Variants in MMRN1 observed in about 807,000 individuals in gnomAD.
MMRN1 encodes multimerin-1.
Under a neutral mutation model 100.7 loss-of-function variants are expected in MMRN1, and 94 were observed. That is an observed-to-expected ratio of 0.93 (90% confidence interval 0.79 to 1.11). MMRN1 has a LOEUF of 1.11. Among genes scored for constraint, MMRN1 ranks in the 50% least tolerant of loss-of-function variants. The probability of loss-of-function intolerance (pLI) is 0.00; values close to 1 mark genes in which losing one functional copy is unlikely to be tolerated. For synonymous variants in MMRN1, 575 were observed against 505.0 expected, an observed-to-expected ratio of 1.14 and a Z score of -1.86; for missense variants, 1,606 against 1,439.1, an observed-to-expected ratio of 1.12 and a Z score of -1.88.
intron 1 of MMRN1, among the ~76,000 whole-genome samples, chr4:89,903,554 T>TTA (rs1444356077): frequency 2.6e-5 from 4 of 151,974 alleles, no homozygotes; most frequent in East Asian, 1.9e-4. Context: ...TGAGGCCATA[T>TTA]TATATATATC....
chr4:89,938,026 C>A (rs1008732304), intron 6 of MMRN1, among the ~76,000 whole-genome samples: 1 of 151,864 alleles, frequency 6.6e-6, no homozygotes, highest in African/African-American at 2.4e-5. Context: ...TCATATGAGT[C>A]TGCTGTTAAA....
Position 89,953,028 on chromosome 4 carries a change from C to T in MMRN1, c.3297C>T (p.Pro1099=). 6.2e-7 allele frequency: 1 copy of T among 1,611,208 alleles called. No homozygotes were observed. Among genetic ancestry groups the T allele is most frequent in the Non-Finnish European group, 8.5e-7 (1 of 1,178,668 alleles). ...CCAAAGGATCTTACAGATATGCACC[C>T]ATGGTGGCATTTTTTGCATCTCATA... ...DFSKGSYRYA[P]MVAFFASHTY... Residue 1099 remains proline, a synonymous_variant, in exon 8 of 8, where the codon CCC becomes CCT. Coordinates refer to ENST00000264790, the MANE Select transcript of MMRN1 (RefSeq NM_007351.3).
Position 89,936,263 on chromosome 4 carries a change from G to T in MMRN1, c.2583G>T (p.Arg861=), listed in dbSNP as rs751629402. ...TTKISKNFET[R]LQDIESKVTQ... is the part of the protein sequence containing the mutation. ...AGATTTCCAAAAATTTTGAGACTCG[G>T]TTGCAAGACATTGAGTCTAAAGTTA... is the stretch of plus-strand genomic sequence containing the variant. The change falls in exon 6 of 8, where the codon CGG becomes CGT. Residue 861 remains arginine (R), a synonymous_variant. Coordinates refer to ENST00000264790, the MANE Select transcript of MMRN1 (RefSeq NM_007351.3). 2.5e-6 allele frequency: 4 copies of T among 1,605,256 alleles called. No individual in the cohort carries two copies. The highest frequency in any genetic ancestry group is 2.3e-5 in the South Asian group (2 of 88,564).
At chr4:89,899,374 C>G (rs1721310178) in intron 1 of MMRN1, among the ~76,000 whole-genome samples, 2 of 152,030 alleles carry the variant, frequency 1.3e-5, no homozygotes, top group South Asian at 4.2e-4. Context: ...TTGCTGAACA[C>G]CTTATCTGTC....
intron 1 of MMRN1, chr4:89,879,709 T>C (rs982273265): frequency 1.3e-5 from 2 of 152,156 alleles, no homozygotes; most frequent in Non-Finnish European, 2.9e-5. Flanking sequence ...CAAGTATTAG[T>C]AGTTTAGCTC....
In MMRN1 at chr4:89,895,525, G is replaced by T; in HGVS notation, c.554G>T (p.Ser185Ile). The T allele has an allele frequency of 6.2e-7, 1 of 1,613,800 alleles. No individual in the cohort carries two copies. The highest frequency in any genetic ancestry group is 1.1e-5 in the South Asian group (1 of 91,074). ...CGAGCCCCACGGGAAACATACCTCA[G>T]CCGGGGTGACAGCAGTTCCAGCCAA... is the stretch of plus-strand genomic sequence containing the variant. ...GNRAPRETYL[S>I]RGDSSSSQRT... Residue 185 changes from serine to isoleucine, a missense_variant, in exon 1 of 8, where the codon AGC becomes ATC. Transcript: ENST00000264790.
At chr4:89,939,585 A>G (rs942587922) in intron 6 of MMRN1, among the ~76,000 whole-genome samples, 1 of 152,104 alleles carries the variant, frequency 6.6e-6, no homozygotes, top group South Asian at 2.1e-4. Context: ...GACATTAACT[A>G]AAGTATCCTG....
At chr4:89,933,309 G>C (rs1722499977) in intron 5 of MMRN1, among the ~76,000 whole-genome samples, 1 of 152,106 alleles carries the variant, frequency 6.6e-6, no homozygotes, top group African/African-American at 2.4e-5. Context: ...TCTCCAGGAA[G>C]CTCCAAATTT....
chr4:89,923,291 T>C lies in MMRN1; in HGVS notation c.955+19T>C. 2 of 1,593,684 alleles carry C rather than the reference T, an allele frequency of 1.3e-6. No individual in the cohort carries two copies. The highest frequency in any genetic ancestry group is 8.6e-7 in the Non-Finnish European group (1 of 1,162,002). ...GACCCAGGTCATAGATTGTAATTAC[T>C]ATCATCTCTGACCCAATTATTGTCA... On this transcript the variant is annotated intron_variant, in intron 4 of 7. Transcript: ENST00000264790.
At position 89,951,654 on chromosome 4, in the gene MMRN1, C is replaced by T; in HGVS notation, c.3168C>T (p.Cys1056=). The T allele has an allele frequency of 8.3e-6, 13 of 1,572,294 alleles. No homozygotes were observed. The highest frequency in any genetic ancestry group is 1.1e-5 in the Non-Finnish European group (13 of 1,164,682). Residue 1056 remains cysteine (C), a synonymous_variant, in exon 7 of 8, where the codon TGC becomes TGT. Coordinates refer to ENST00000264790, the MANE Select transcript of MMRN1 (RefSeq NM_007351.3). ...ATCCGTGCCAAAATGGGGGCACGTG[C>T]ATAAATGGAAGAACTAGCTTTACCT... The part of the protein sequence containing the change: ...SRHPCQNGGT[C]INGRTSFTCA...
upstream of MMRN1, among the ~76,000 whole-genome samples, chr4:89,890,284 T>C (rs1480408927): frequency 6.6e-6 from 1 of 151,842 alleles, no homozygotes; most frequent in African/African-American, 2.4e-5. Context: ...GAGTGGTTAT[T>C]TTCTAAAAAC....
At chr4:89,952,636 A>G (rs1472142800) in intron 7 of MMRN1, among the ~76,000 whole-genome samples, 1 of 152,198 alleles carries the variant, frequency 6.6e-6, no homozygotes, top group Non-Finnish European at 1.5e-5. Flanking sequence ...AAGGGGCTTT[A>G]AAACATTCTG....
chr4:89,901,154 GAAAAA>G (rs372841987), intron 1 of MMRN1, among the ~76,000 whole-genome samples: 12 of 112,164 alleles, frequency 1.1e-4, no homozygotes, highest in Admixed American at 9.7e-4. Flanking sequence ...GGGCTTTTAT[GAAAAA>G]AAAAAAAAAA....
At chr4:89,893,465 A>G (rs1721100168), upstream of MMRN1, among the ~76,000 whole-genome samples, 3 of 152,118 alleles carry the variant, frequency 2.0e-5, no homozygotes, top group South Asian at 6.2e-4. Flanking sequence ...ACTAGAGAAA[A>G]TATCTACAAT....
chr4:89,904,418 T>TTTGGG (rs1341671533), intron 1 of MMRN1, among the ~76,000 whole-genome samples: 2 of 151,760 alleles, frequency 1.3e-5, no homozygotes, highest in Non-Finnish European at 2.9e-5. Flanking sequence ...TGAAGCTCTG[T>TTTGGG]ACCCATTAAA....
intron 1 of MMRN1, among the ~76,000 whole-genome samples, chr4:89,906,599 A>T (rs1468085836): frequency 6.6e-6 from 1 of 151,526 alleles, no homozygotes; most frequent in African/African-American, 2.4e-5. Flanking sequence ...GTCTGGGATC[A>T]TTGCATTTGC....
In MMRN1 at chr4:89,935,307, ACT is replaced by A; in HGVS notation, c.1628_1629del (p.Thr543ArgfsTer8). 1.2e-6 allele frequency: 2 copies of A among 1,613,628 alleles called. No homozygotes were observed. Among genetic ancestry groups the A allele is most frequent in the Non-Finnish European group, 8.5e-7 (1 of 1,179,644 alleles). ...TGCTGAGTCAGTTAGCAATAATGTC[ACT>A]GAGTACATGTCTACTTTACATGAAA... ...PAAESVSNNVTEYMSTLHENI... is the reference protein window; with the variant it reads ...PAAESVSNNVXEYMSTLHENI... On this transcript the variant is annotated frameshift_variant, in exon 6 of 8. Coordinates refer to ENST00000264790, the MANE Select transcript of MMRN1 (RefSeq NM_007351.3). LOFTEE classifies it high-confidence loss of function.
intron 3 of MMRN1, among the ~76,000 whole-genome samples, chr4:89,913,782 T>C (rs1219218973): frequency 1.3e-5 from 2 of 151,314 alleles, no homozygotes; most frequent in Non-Finnish European, 3.0e-5. Flanking sequence ...CCTTCTGTCA[T>C]AATAGTGTAA....
In MMRN1 at chr4:89,935,345, G is replaced by T; in HGVS notation, c.1665G>T (p.Lys555Asn). Reference sequence around the variant, plus strand: ...CTACTTTACATGAAAATATAAAGAAGCAGAGTTTGATGATGCTGCAAATGT... The same window carrying T: ...CTACTTTACATGAAAATATAAAGAATCAGAGTTTGATGATGCTGCAAATGT... ...YMSTLHENIK[K>N]QSLMMLQMFE... Residue 555 changes from lysine to asparagine, a missense_variant, in exon 6 of 8, where the codon AAG becomes AAT. Physicochemically the swap from Lys to Asn is moderately conservative, Grantham distance 94. Transcript: ENST00000264790. 1 of 1,613,310 alleles carries T rather than the reference G, an allele frequency of 6.2e-7. No individual in the cohort carries two copies. The highest frequency in any genetic ancestry group is 2.2e-5 in the East Asian group (1 of 44,830).
Sources: gnomAD v4.1 joint callset for allele counts (sites outside exome capture counted in the v4.1 genomes callset) on GRCh38, gnomAD v4.1.1 for gene constraint, MANE v1.5 for transcripts, NCBI Gene and HGNC (gene_info 2026-07-23, HGNC 2026-07-21) for gene names.